NCOR2: variants seen among roughly 807,000 people sequenced by gnomAD.
NCOR2 encodes the protein nuclear receptor corepressor 2, also known as CTG repeat protein 26.
Under a neutral mutation model 262.9 loss-of-function variants are expected in NCOR2, and 81 were observed. That is an observed-to-expected ratio of 0.31 (90% CI 0.26 to 0.37). The LOEUF is 0.37. Among genes scored for constraint, NCOR2 ranks in the 10% least tolerant of loss-of-function variants. The pLI is 1.00. For synonymous variants in NCOR2, 1,659 were observed against 1,559.3 expected (o/e 1.06, Z -1.51); for missense variants, 3,385 against 3,621.4 (o/e 0.93, Z 1.68).
At chr12:124,489,247 A>G (rs150159621) in intron 1 of NCOR2, among the ~76,000 whole-genome samples, 115 of 152,312 alleles carry the variant, frequency 7.6e-4, no homozygotes, top group African/African-American at 2.6e-3. Flanking sequence ...ACGCGACAAC[A>G]TTAATCATAA....
At chr12:124,402,885 T>TCATCCAAGTC (rs1328057038) in intron 13 of NCOR2, among the ~76,000 whole-genome samples, 2 of 152,042 alleles carry the variant, frequency 1.3e-5, no homozygotes, top group Non-Finnish European at 2.9e-5. Context: ...GGTCTTAACC[T>TCATCCAAGTC]CTCTGTGCCG....
chr12:124,347,319 G>A (rs1031599082), intron 30 of NCOR2: 5 of 172,502 alleles, frequency 2.9e-5, no homozygotes, highest in Non-Finnish European at 4.9e-5. Flanking sequence ...AGTGAGCTGA[G>A]ATCGTGCCAC....
chr12:124,368,181 G>A lies in NCOR2; in HGVS notation c.2807+3841C>T, dbSNP rs79009951. Among the ~76,000 whole-genome samples, 801 of 152,354 alleles carry A rather than the reference G, an allele frequency of 5.3e-3. 34 individuals carry two copies. In the East Asian group the frequency reaches 0.11, roughly 20 times the overall value. On this transcript the variant is annotated intron_variant, in intron 20 of 46. Transcript: ENST00000405201. The stretch of plus-strand genomic sequence containing the variant: ...CTTCAAGGGCTGTCCGTGGGTGGGC[G>A]TGGGGATGCTGGTGACCAGCACGTG...
At chr12:124,423,523 C>T (rs959719796) in intron 11 of NCOR2, among the ~76,000 whole-genome samples, 3 of 152,224 alleles carry the variant, frequency 2.0e-5, no homozygotes, top group East Asian at 1.9e-4. Context: ...GTGGAAGCGG[C>T]GCAGTGAGGA....
chr12:124,479,426 C>T (rs1428098030), intron 3 of NCOR2, among the ~76,000 whole-genome samples: 1 of 150,288 alleles, frequency 6.7e-6, no homozygotes. Flanking sequence ...TACATGCACG[C>T]ACACAGGCAC....
At chr12:124,325,671 G>A (rs1279434262) in intron 46 of NCOR2, 88 bp from the exon 49 acceptor site, 1 of 915,508 alleles carries the variant, frequency 1.1e-6, no homozygotes, top group Non-Finnish European at 1.5e-6. Flanking sequence ...GGGAACAGAG[G>A]CCTCAGCGTT....
intron 1 of NCOR2, among the ~76,000 whole-genome samples, chr12:124,555,396 A>G (rs1313441015): frequency 6.6e-6 from 1 of 152,164 alleles, no homozygotes; most frequent in Non-Finnish European, 1.5e-5. Context: ...AGGGAGCCCG[A>G]GCAAGTGGCA....
intron 1 of NCOR2, among the ~76,000 whole-genome samples, chr12:124,492,831 A>C (rs998209213): frequency 9.2e-5 from 14 of 152,202 alleles, no homozygotes; most frequent in African/African-American, 3.4e-4. Context: ...TGCCCAGGGC[A>C]GCAGGGCCCT....
intron 20 of NCOR2, among the ~76,000 whole-genome samples, chr12:124,368,541 C>T (rs1198220543): frequency 3.3e-5 from 5 of 152,228 alleles, no homozygotes; most frequent in East Asian, 1.9e-4. Context: ...CTGACCTCTC[C>T]GCCCTCTCTG....
Position 124,378,443 on chromosome 12 carries a change from C to T in NCOR2, c.2020-59G>A. Reference sequence around the variant, plus strand: ...GGCCTGGGCTGTCAGCTCGGGGACTCCCCATGCCTGGGGCCTCGCCGCAGG... The same window carrying T: ...GGCCTGGGCTGTCAGCTCGGGGACTTCCCATGCCTGGGGCCTCGCCGCAGG... On this transcript the variant is annotated intron_variant, in intron 17 of 46. Transcript: ENST00000405201. The surrounding 1 kb of genome is among the most constrained non-coding windows in gnomAD (Gnocchi z 4.2). 2.0e-6 allele frequency: 3 copies of T among 1,521,256 alleles called. No homozygotes were observed. The highest frequency in any genetic ancestry group is 2.6e-6 in the Non-Finnish European group (3 of 1,132,734). 94.2% of individuals were successfully genotyped at this position (1,521,256 alleles called of 1,614,324 possible). A position where few individuals can be genotyped will look rare whatever the true frequency, so the allele number is the denominator to read the frequency against.
rs61934018 is a variant in NCOR2, at chr12:124,339,702, T to C, written c.5687+304A>G. 4.8e-4 allele frequency among the ~76,000 whole-genome samples: 25 copies of C among 52,018 alleles called. 1 individual carries two copies. Among genetic ancestry groups the C allele is most frequent in the Non-Finnish European group, 8.9e-4 (16 of 17,976 alleles). The allele number at this position is 52,018 out of a possible 152,430, so 34.1% of individuals were successfully genotyped here. On this transcript the variant is annotated intron_variant, in intron 37 of 46. Transcript: ENST00000405201. Reference sequence around the variant, plus strand: ...CCTACCAAACCTGATCATCCACCCATCCAACCAGCTAACCCAGCCATCTAT... The same window carrying C: ...CCTACCAAACCTGATCATCCACCCACCCAACCAGCTAACCCAGCCATCTAT...
At chr12:124,371,131 A>G (rs1207157600) in intron 20 of NCOR2, among the ~76,000 whole-genome samples, 2 of 152,050 alleles carry the variant, frequency 1.3e-5, no homozygotes, top group Non-Finnish European at 2.9e-5. Flanking sequence ...AGGCTCGTAA[A>G]GGCCTTCTCA....
At chr12:124,391,937 C>T (rs1393588781) in intron 16 of NCOR2, among the ~76,000 whole-genome samples, 4 of 152,260 alleles carry the variant, frequency 2.6e-5, no homozygotes, top group African/African-American at 9.6e-5. Flanking sequence ...GGGGGTCAGA[C>T]AGACCACCCC....
intron 32 of NCOR2, 133 bp downstream of exon 34, chr12:124,344,464 C>T: frequency 1.2e-6 from 1 of 823,622 alleles, no homozygotes; most frequent in Non-Finnish European, 1.8e-6. Context: ...CACGGGCCTG[C>T]AGGTGGTTTG....
rs2044049381 is a variant in NCOR2, at chr12:124,432,869, G to A, written c.883-2082C>T. ...TTGAGCAAGTGGCGGCGGGGGGCGG[G>A]GGGTGGGGGCGGGGAAGGGGACGCA... On this transcript the variant is annotated intron_variant, in intron 8 of 46. Transcript: ENST00000405201. This position sits in a 1 kb window ranked among gnomAD's most constrained non-coding sequence, Gnocchi z 5.1. Among the ~76,000 whole-genome samples, 1 of 150,564 alleles carries A rather than the reference G, an allele frequency of 6.6e-6. No individual in the cohort carries two copies.
chr12:124,492,511 G>A (rs114137706), intron 1 of NCOR2, among the ~76,000 whole-genome samples: 107 of 152,252 alleles, frequency 7.0e-4, no homozygotes, highest in African/African-American at 1.3e-3. Flanking sequence ...GGGAGTATGC[G>A]TGGAGGTGAC....
chr12:124,346,816 G>C, exon 31 of NCOR2: 1 of 1,579,158 alleles, frequency 6.3e-7, no homozygotes, highest in Non-Finnish European at 8.6e-7. Flanking sequence ...GACGCAGGTA[G>C]TCCTCCTGTG....
rs1428448729 is a variant in NCOR2 at position 124,433,906 on chromosome 12, A to G, written c.883-3119T>C. Among the ~76,000 whole-genome samples, 1,336 of 145,192 alleles carry G rather than the reference A, an allele frequency of 9.2e-3. 87 individuals are homozygous for G. The highest frequency in any genetic ancestry group is 0.035 in the African/African-American group (1,268 of 35,958). On this transcript the variant is annotated intron_variant, in intron 8 of 46. Transcript: ENST00000405201. Reference sequence around the variant, plus strand: ...CACACACACACACACACACGCACACACACACACAGGGAAAGACTGGAGCCG... The same window carrying G: ...CACACACACACACACACACGCACACGCACACACAGGGAAAGACTGGAGCCG...
intron 1 of NCOR2, among the ~76,000 whole-genome samples, chr12:124,564,792 A>G (rs1276513005): frequency 6.6e-6 from 1 of 152,044 alleles, no homozygotes; most frequent in East Asian, 1.9e-4. Flanking sequence ...CCTCTCAGCC[A>G]GGGGGAAACG....
Sources: allele counts gnomAD v4.1 joint callset (sites outside exome capture counted in the v4.1 genomes callset), GRCh38; gene constraint gnomAD v4.1.1; non-coding constraint Gnocchi (gnomAD v3.1); transcripts MANE v1.5; gene names NCBI Gene and HGNC (gene_info 2026-07-23, HGNC 2026-07-21).